DDHD2: variants seen among roughly 807,000 people sequenced by gnomAD.
DDHD2 encodes triacylglycerol hydrolase DDHD2.
Under a neutral mutation model 91.2 loss-of-function variants are expected in DDHD2, and 62 were observed. That is an observed-to-expected ratio of 0.68 (90% CI 0.55 to 0.84). The LOEUF (loss-of-function observed/expected upper bound fraction) is 0.84. DDHD2 is among the 40% of genes least tolerant of loss of function. DDHD2 has a pLI of 0.00. For missense variants in DDHD2, 740 were observed against 846.9 expected (o/e 0.87, Z 1.57); for synonymous variants, 271 against 293.9 (o/e 0.92, Z 0.80).
Position 38,234,425 on chromosome 8 carries a change from T to G in DDHD2, c.252T>G (p.Thr84=), listed in dbSNP as rs1402452014. ...GKGCNGRVVP[T]DGGRYDVHLG... Reference sequence around the variant, plus strand: ...GTTGTAATGGGAGAGTTGTTCCTACTGATGGGGGCAGATATGATGTTCATT... The same window carrying G: ...GTTGTAATGGGAGAGTTGTTCCTACGGATGGGGGCAGATATGATGTTCATT... Residue 84 remains threonine, a synonymous_variant, in exon 3 of 18, where the codon ACT becomes ACG. Transcript: ENST00000397166. 1 of 1,600,160 alleles carries G rather than the reference T, an allele frequency of 6.2e-7. No homozygotes were observed. Among genetic ancestry groups the G allele is most frequent in the Non-Finnish European group, 8.5e-7 (1 of 1,176,740 alleles).
At chr8:38,237,963 ATATCAAAAC>A in intron 4 of DDHD2, 117 bp from the exon 5 acceptor site, 1 of 899,462 alleles carries the variant, frequency 1.1e-6, no homozygotes, top group Non-Finnish European at 1.7e-6. Context: ...TACGAGTTGT[ATATCAAAAC>A]TCCAGTTCAG....
At chr8:38,255,613 AAAT>A in intron 16 of DDHD2, among the ~76,000 whole-genome samples, 1 of 152,290 alleles carries the variant, frequency 6.6e-6, no homozygotes, top group Non-Finnish European at 1.5e-5. Context: ...CATAAATAGT[AAAT>A]TAAAGGCAAT....
chr8:38,239,037 T>C (rs1805033479), intron 5 of DDHD2: 1 of 152,194 alleles, frequency 6.6e-6, no homozygotes, highest in Non-Finnish European at 1.5e-5. Context: ...TGTACTATGC[T>C]TTCTAGTTTT....
chr8:38,243,036 C>T (rs892121379), intron 7 of DDHD2, among the ~76,000 whole-genome samples: 1 of 152,164 alleles, frequency 6.6e-6, no homozygotes, highest in Non-Finnish European at 1.5e-5. Context: ...ATGCTGGTCT[C>T]AGAAATGGCT....
downstream of DDHD2, chr8:38,267,536 A>G: frequency 3.2e-6 from 3 of 930,474 alleles, no homozygotes; most frequent in South Asian, 1.8e-5. Context: ...TAGTCACCAC[A>G]CTAAGAGAAA....
rs1333323432 is a variant in DDHD2, at chr8:38,252,393, A to G, written c.1617+106A>G. ...ATTTTTTTTTCCTATTCCATTGTCT[A>G]GCAATGAGACAACTTATAATAGTAT... On this transcript the variant is annotated intron_variant, in intron 13 of 17. Coordinates refer to ENST00000397166, the MANE Select transcript of DDHD2 (RefSeq NM_015214.3). 6 of 1,254,076 alleles carry G rather than the reference A, an allele frequency of 4.8e-6. No individual in the cohort carries two copies. The Admixed American group carries it at 1.2e-4, about 24-fold the overall frequency. The allele number at this position is 1,254,076 out of a possible 1,614,324, so 77.7% of individuals were successfully genotyped here.
At chr8:38,244,725 C>T (rs368105214) in intron 7 of DDHD2, among the ~76,000 whole-genome samples, 4 of 151,784 alleles carry the variant, frequency 2.6e-5, no homozygotes, top group South Asian at 2.1e-4. Context: ...TCACCACACC[C>T]GGCTAATTTT....
Position 38,261,034 on chromosome 8 carries a change from C to T in DDHD2, c.*461C>T, listed in dbSNP as rs559639344. 6.6e-6 allele frequency: 1 copy of T among 152,218 alleles called. No individual in the cohort carries two copies. Among genetic ancestry groups the T allele is most frequent in the South Asian group, 2.1e-4 (1 of 4,814 alleles). The allele number at this position is 152,218 out of a possible 1,614,324, so 9.4% of individuals were successfully genotyped here. On this transcript the variant is annotated 3_prime_UTR_variant, in exon 18 of 18. Coordinates refer to ENST00000397166, the MANE Select transcript of DDHD2 (RefSeq NM_015214.3). The stretch of plus-strand genomic sequence containing the variant: ...AAGGCATTTTGGAGTACACTTATCT[C>T]TTGTTTGTGTTGAACTGAAGGCTAA...
intron 3 of DDHD2, among the ~76,000 whole-genome samples, chr8:38,235,284 G>T (rs1804623165): frequency 6.6e-6 from 1 of 151,942 alleles, no homozygotes; most frequent in African/African-American, 2.4e-5. Flanking sequence ...TGTTGGCTAG[G>T]CTTGTCTCGA....
rs761102128 is a variant in DDHD2 at position 38,252,234 on chromosome 8, G to A, written c.1564G>A (p.Asp522Asn). 3.7e-6 allele frequency: 6 copies of A among 1,613,962 alleles called. No homozygotes were observed. In the African/African-American group the frequency reaches 8.0e-5, roughly 22 times the overall value. The change falls in exon 13 of 18, where the codon GAT (aspartate) becomes AAT (asparagine). Residue 522 changes from aspartate (D) to asparagine (N), a missense_variant. Asp to Asn is a conservative substitution (Grantham distance 23, BLOSUM62 1). Around this residue, in one of 2 missense-constraint regions of DDHD2, gnomAD observed 693 missense variants for 764.2 expected, o/e 0.91. Transcript: ENST00000397166. ...TACTGTCCGAGGACTAAAAAGAATT[G>A]ATCCCAACTACAGATTTCCAACGTG... ...FLTVRGLKRI[D>N]PNYRFPTCKG...
intron 7 of DDHD2, among the ~76,000 whole-genome samples, chr8:38,244,596 T>G (rs1433641636): frequency 6.9e-6 from 1 of 145,108 alleles, no homozygotes; most frequent in Non-Finnish European, 1.5e-5. Flanking sequence ...GACAGAGTCT[T>G]GCACTGTTGC....
chr8:38,242,207 T>G (rs755432515), intron 6 of DDHD2, 43 bp from the exon 7 acceptor site: 3 of 1,492,452 alleles, frequency 2.0e-6, no homozygotes, highest in East Asian at 2.3e-5. Context: ...TTCTACAGAT[T>G]TGTTACTTCA....
chr8:38,259,566 A>G (rs895153579), intron 16 of DDHD2, among the ~76,000 whole-genome samples: 1 of 152,024 alleles, frequency 6.6e-6, no homozygotes, highest in Non-Finnish European at 1.5e-5. Flanking sequence ...TTGTATTTTT[A>G]GTAGAGATGG....
At chr8:38,255,573 G>A (rs910863347) in intron 16 of DDHD2, among the ~76,000 whole-genome samples, 2 of 152,112 alleles carry the variant, frequency 1.3e-5, no homozygotes. Flanking sequence ...ATATATGTAT[G>A]TGAATATATT....
downstream of DDHD2, chr8:38,273,564 T>C (rs1808534283): frequency 6.6e-6 from 1 of 152,180 alleles, no homozygotes; most frequent in South Asian, 2.1e-4. Context: ...AAGAACTGTA[T>C]TTGGAATATT....
chr8:38,252,127 T>C lies in DDHD2; in HGVS notation c.1462-5T>C. 1 of 1,613,622 alleles carries C rather than the reference T, an allele frequency of 6.2e-7. No individual in the cohort carries two copies. Among genetic ancestry groups the C allele is most frequent in the Non-Finnish European group, 8.5e-7 (1 of 1,179,822 alleles). On this transcript the variant is annotated splice_polypyrimidine_tract_variant and splice_region_variant and intron_variant, in intron 12 of 17. Transcript: ENST00000397166. ...TGAGAGATGCTTTTATTTTCCTCCTTTGAGGTGTCTGTGAAATACCCCCGG... is the reference window on the plus strand; with the variant it reads ...TGAGAGATGCTTTTATTTTCCTCCTCTGAGGTGTCTGTGAAATACCCCCGG...
At chr8:38,235,314 C>T (rs1218332683) in intron 3 of DDHD2, among the ~76,000 whole-genome samples, 1 of 151,932 alleles carries the variant, frequency 6.6e-6, no homozygotes, top group African/African-American at 2.4e-5. Flanking sequence ...CTCAAATGAT[C>T]TGCTGGCCTC....
At chr8:38,268,114 T>G (rs1344261832) in intron 1 of DDHD2, 1 of 1,457,338 alleles carries the variant, frequency 6.9e-7, no homozygotes, top group East Asian at 2.5e-5. Context: ...ATCACTCTTT[T>G]GTAGCCGAGA....
intron 16 of DDHD2, chr8:38,255,254 C>T (rs1323404801): frequency 2.9e-6 from 1 of 346,512 alleles, no homozygotes; most frequent in South Asian, 2.3e-5. Context: ...CCCTTGAATT[C>T]TGATGAGGAA....
Sources: allele counts gnomAD v4.1 joint callset (sites outside exome capture counted in the v4.1 genomes callset), GRCh38; gene constraint gnomAD v4.1.1; regional missense constraint gnomAD v4.1.1; transcripts MANE v1.5; gene names NCBI Gene and HGNC (gene_info 2026-07-23, HGNC 2026-07-21).